The following SYT1 variants were observed in gnomAD, a reference collection of about 807,000 sequenced individuals.
SYT1 encodes the protein synaptotagmin 1.
In SYT1, 8 loss-of-function variants were observed where a neutral mutation model predicts 44.8. The ratio of observed to expected loss-of-function variants is 0.18; its 90% CI spans 0.10 to 0.32. The LOEUF is 0.32. SYT1 is among the 10% of genes least tolerant of loss of function. SYT1 has a pLI of 1.00. For synonymous variants in SYT1, 154 were observed against 188.8 expected, an observed-to-expected ratio of 0.82 and a Z score of 1.51; for missense variants, 286 against 509.3, an observed-to-expected ratio of 0.56 and a Z score of 4.22.
chr12:78,885,478 AAG>A (rs1565701895), intron 1 of SYT1, among the ~76,000 whole-genome samples: 1 of 152,012 alleles, frequency 6.6e-6, no homozygotes, highest in Non-Finnish European at 1.5e-5. Flanking sequence ...AAAACAAGGA[AAG>A]AGAGTAGAGA....
chr12:78,878,213 T>G (rs1874277124), intron 1 of SYT1, among the ~76,000 whole-genome samples: 1 of 151,708 alleles, frequency 6.6e-6, no homozygotes, highest in Admixed American at 6.6e-5. Flanking sequence ...AGGGATTACC[T>G]CTTTTCCTTT....
At chr12:79,338,788 T>G (rs1190853196) in intron 8 of SYT1, among the ~76,000 whole-genome samples, 1 of 151,746 alleles carries the variant, frequency 6.6e-6, no homozygotes, top group Non-Finnish European at 1.5e-5. Flanking sequence ...GTCATTTACA[T>G]TAGGTATTTC....
intron 2 of SYT1, among the ~76,000 whole-genome samples, chr12:79,008,001 C>CTTTT (rs1871199879): frequency 6.6e-6 from 1 of 151,790 alleles, no homozygotes; most frequent in South Asian, 2.1e-4. Flanking sequence ...CCTCAAGGAA[C>CTTTT]TTATACTCTA....
intron 3 of SYT1, among the ~76,000 whole-genome samples, chr12:79,166,039 T>C (rs868547060): frequency 2.0e-5 from 3 of 151,936 alleles, no homozygotes; most frequent in Non-Finnish European, 4.4e-5. Context: ...AAGACAATAA[T>C]CAAAATTGGA....
At chr12:79,327,097 C>T (rs573916990) in intron 8 of SYT1, among the ~76,000 whole-genome samples, 2 of 151,790 alleles carry the variant, frequency 1.3e-5, no homozygotes, top group South Asian at 4.2e-4. Context: ...GGCTCTGTAC[C>T]TCTTCATATG....
intron 2 of SYT1, among the ~76,000 whole-genome samples, chr12:79,010,413 T>G (rs980561510): frequency 6.6e-6 from 1 of 152,140 alleles, no homozygotes; most frequent in Non-Finnish European, 1.5e-5. Context: ...TCAAAATGTT[T>G]CCTTATGTGT....
chr12:79,256,583 A>G (rs1877530359), intron 4 of SYT1, among the ~76,000 whole-genome samples: 1 of 151,654 alleles, frequency 6.6e-6, no homozygotes, highest in South Asian at 2.1e-4. Flanking sequence ...AGAAACATGT[A>G]TTTTCTCATG....
chr12:79,169,515 A>G (rs917208070), intron 3 of SYT1, among the ~76,000 whole-genome samples: 3 of 151,980 alleles, frequency 2.0e-5, no homozygotes, highest in African/African-American at 4.8e-5. Flanking sequence ...ACATGTAGTG[A>G]GGCAAACAAC....
chr12:79,153,329 C>A (rs1171940346), intron 3 of SYT1, among the ~76,000 whole-genome samples: 1 of 152,120 alleles, frequency 6.6e-6, no homozygotes, highest in East Asian at 1.9e-4. Flanking sequence ...TAAACCTATG[C>A]CCCTAGCTAG....
chr12:78,889,526 G>T (rs1874930840), intron 1 of SYT1, among the ~76,000 whole-genome samples: 1 of 151,908 alleles, frequency 6.6e-6, no homozygotes, highest in South Asian at 2.1e-4. Flanking sequence ...ACTTTGTCTG[G>T]ATTTAGAAAT....
chr12:79,393,524 G>T (rs571040094), intron 9 of SYT1: 90 of 152,302 alleles, frequency 5.9e-4, no homozygotes, highest in African/African-American at 1.9e-3. Flanking sequence ...GTATCTCATT[G>T]TGGTTTTGAT....
chr12:79,415,977 T>C (rs1167679457), intron 9 of SYT1, among the ~76,000 whole-genome samples: 1 of 152,232 alleles, frequency 6.6e-6, no homozygotes, highest in African/African-American at 2.4e-5. Context: ...GAGCTTTTGA[T>C]AACGAAGCTG....
At chr12:79,047,271 C>T (rs1420222928) in intron 2 of SYT1, 26 bp from the exon 3 acceptor site, 1 of 151,374 alleles carries the variant, frequency 6.6e-6, no homozygotes, top group Non-Finnish European at 1.5e-5. Context: ...GTCAAGTAAC[C>T]TCTGTATATA....
At chr12:79,132,435 C>T (rs1592777415) in intron 3 of SYT1, among the ~76,000 whole-genome samples, 2 of 137,434 alleles carry the variant, frequency 1.5e-5, no homozygotes, top group South Asian at 4.6e-4. Flanking sequence ...AGCGACAGAG[C>T]AAGATTCCGT....
At chr12:78,868,881 T>C (rs2137031377) in intron 1 of SYT1, 1 of 151,930 alleles carries the variant, frequency 6.6e-6, no homozygotes, top group East Asian at 1.9e-4. Context: ...GAAAAAACTC[T>C]CAGTACAAGA....
intron 1 of SYT1, among the ~76,000 whole-genome samples, chr12:78,924,879 G>A (rs915521061): frequency 1.3e-5 from 2 of 151,474 alleles, no homozygotes; most frequent in African/African-American, 4.8e-5. Context: ...ATTCCTTTGA[G>A]TGAAAAGTAT....
chr12:79,076,628 C>A (rs571453848), intron 3 of SYT1, among the ~76,000 whole-genome samples: 1 of 152,042 alleles, frequency 6.6e-6, no homozygotes, highest in Non-Finnish European at 1.5e-5. Context: ...ACATTCAGTG[C>A]GAGCATATTT....
At chr12:79,156,161 G>A (rs11833950) in intron 3 of SYT1, among the ~76,000 whole-genome samples, 20,810 of 151,974 alleles carry the variant, frequency 0.14, 1,907 homozygotes, top group African/African-American at 0.25. Flanking sequence ...TGACAAAACC[G>A]GAACTCAATA....
intron 8 of SYT1, among the ~76,000 whole-genome samples, chr12:79,305,010 T>C (rs1880324090): frequency 6.6e-6 from 1 of 152,182 alleles, no homozygotes; most frequent in African/African-American, 2.4e-5. Context: ...AGAATTTCTG[T>C]CACCAATTAT....
Sources: allele counts gnomAD v4.1 joint callset (sites outside exome capture counted in the v4.1 genomes callset), GRCh38; gene constraint gnomAD v4.1.1; transcripts MANE v1.5; gene names NCBI Gene and HGNC (gene_info 2026-07-23, HGNC 2026-07-21).